Variants in PLXNA4 observed in about 807,000 individuals in gnomAD.
The protein encoded by PLXNA4 is plexin A4.
Under a neutral mutation model 191.8 loss-of-function variants are expected in PLXNA4, and 44 were observed. That is an observed-to-expected ratio of 0.23 (90% CI 0.18 to 0.29). The LOEUF is 0.29. PLXNA4 is among the 10% of genes least tolerant of loss of function. The pLI, the probability that PLXNA4 is intolerant of heterozygous loss-of-function variation, is 1.00. For missense variants in PLXNA4, 1,800 were observed against 2,488.8 expected (o/e 0.72, Z 5.89); for synonymous variants, 1,082 against 1,009.5 (o/e 1.07, Z -1.36).
intron 25 of PLXNA4, among the ~76,000 whole-genome samples, chr7:132,151,409 AAGGAGGAGGAGGAGGAGGAGG>A: frequency 3.3e-4 from 1 of 3,016 alleles, no homozygotes; most frequent in South Asian, 0.012. Flanking sequence ...GAGGAGGAGG[AAGGAGGAGGAGGAGGAGGAGG>A]AAGGAGGAGG....
intron 4 of PLXNA4, among the ~76,000 whole-genome samples, chr7:132,265,691 A>ATGTGTACACATGT (rs1799824394): frequency 6.6e-6 from 1 of 152,214 alleles, no homozygotes; most frequent in African/African-American, 2.4e-5. Context: ...AGACCCTAGC[A>ATGTGTACACATGT]GATACACATG....
intron 1 of PLXNA4, among the ~76,000 whole-genome samples, chr7:132,648,088 C>T (rs1392857803): frequency 6.6e-6 from 1 of 151,982 alleles, no homozygotes; most frequent in Non-Finnish European, 1.5e-5. Flanking sequence ...CTCACAAACT[C>T]AGTGTCATAT....
At chr7:132,627,700 G>A (rs1803408888) in intron 2 of PLXNA4, among the ~76,000 whole-genome samples, 1 of 152,146 alleles carries the variant, frequency 6.6e-6, no homozygotes, top group African/African-American at 2.4e-5. Flanking sequence ...TCCACCATGT[G>A]AAGGCACAGT....
At chr7:132,562,953 CT>C (rs1801331335) in intron 1 of PLXNA4, among the ~76,000 whole-genome samples, 1 of 48,884 alleles carries the variant, frequency 2.0e-5, no homozygotes, top group Non-Finnish European at 5.4e-5. Flanking sequence ...CCTCCTCCTC[CT>C]CTCCCTCCTC....
chr7:132,173,621 T>C (rs1562897328), intron 21 of PLXNA4, among the ~76,000 whole-genome samples: 1 of 152,258 alleles, frequency 6.6e-6, no homozygotes, highest in Non-Finnish European at 1.5e-5. Context: ...CCCTCTGGAC[T>C]TCTCACGTTT....
At chr7:132,348,105 T>C (rs1803322599) in intron 3 of PLXNA4, among the ~76,000 whole-genome samples, 1 of 152,186 alleles carries the variant, frequency 6.6e-6, no homozygotes, top group Non-Finnish European at 1.5e-5. Flanking sequence ...TCCTTCTCCC[T>C]ACCCGCCCAT....
In PLXNA4 at chr7:132,424,891, G is replaced by A. The variant is rs144055826; in HGVS notation, c.1371+64401C>T. ...TAGAGCCGAGTCCTGACCATGGTGT[G>A]CCCTCCACGCATCGTCCAGCTCACC... On this transcript the variant is annotated intron_variant, in intron 3 of 31. Coordinates refer to ENST00000321063, the MANE Select transcript of PLXNA4 (RefSeq NM_020911.2). Among the ~76,000 whole-genome samples, 523 of 152,332 alleles carry A rather than the reference G, an allele frequency of 3.4e-3. 1 individual carries two copies. Among genetic ancestry groups the A allele is most frequent in the African/African-American group, 0.012 (498 of 41,578 alleles).
At chr7:132,353,165 T>G (rs1803560257) in intron 3 of PLXNA4, among the ~76,000 whole-genome samples, 2 of 152,350 alleles carry the variant, frequency 1.3e-5, no homozygotes, top group Middle Eastern at 3.4e-3. Context: ...ACGTTTCTGC[T>G]ATTGCAATAA....
chr7:132,173,649 C>T (rs1796360669), intron 21 of PLXNA4, among the ~76,000 whole-genome samples: 1 of 152,224 alleles, frequency 6.6e-6, no homozygotes, highest in South Asian at 2.1e-4. Flanking sequence ...AGGTGCACAG[C>T]CTACTACATT....
At chr7:132,383,350 GA>G (rs1804977919) in intron 3 of PLXNA4, 1 of 173,770 alleles carries the variant, frequency 5.8e-6, no homozygotes, top group African/African-American at 2.4e-5. Context: ...CATTCCCTGG[GA>G]TTCTATTTTT....
intron 22 of PLXNA4, among the ~76,000 whole-genome samples, chr7:132,166,339 T>C (rs1305334874): frequency 1.5e-5 from 1 of 67,126 alleles, no homozygotes; most frequent in Non-Finnish European, 4.8e-5. Flanking sequence ...GCATCTTTCA[T>C]GCTACAACAC....
intron 1 of PLXNA4, among the ~76,000 whole-genome samples, chr7:132,562,301 TCTC>T (rs1280972634): frequency 1.3e-5 from 1 of 75,182 alleles, no homozygotes; most frequent in Admixed American, 1.3e-4. Flanking sequence ...TTCTCCTCCT[TCTC>T]CTCTTCCTCC....
At chr7:132,439,548 C>T (rs1795609869) in intron 3 of PLXNA4, among the ~76,000 whole-genome samples, 1 of 152,082 alleles carries the variant, frequency 6.6e-6, no homozygotes, top group African/African-American at 2.4e-5. Flanking sequence ...TGCATAGCTA[C>T]CCTTCCCAGT....
At chr7:132,142,219 A>G (rs1444778855) in intron 29 of PLXNA4, among the ~76,000 whole-genome samples, 2 of 152,172 alleles carry the variant, frequency 1.3e-5, no homozygotes, top group Non-Finnish European at 2.9e-5. Context: ...CCTGCAGGCT[A>G]TAATCCTACG....
chr7:132,349,711 C>T (rs184853538), intron 3 of PLXNA4, among the ~76,000 whole-genome samples: 1 of 152,206 alleles, frequency 6.6e-6, no homozygotes, highest in Non-Finnish European at 1.5e-5. Context: ...GGTCACTCTC[C>T]TCCCCATGAT....
chr7:132,602,857 G>C (rs1277816767), intron 2 of PLXNA4, among the ~76,000 whole-genome samples: 1 of 152,178 alleles, frequency 6.6e-6, no homozygotes, highest in Non-Finnish European at 1.5e-5. Flanking sequence ...CCGTGGAAGA[G>C]TCACTGAGAA....
At chr7:132,555,159 G>A (rs2116600153) in intron 1 of PLXNA4, among the ~76,000 whole-genome samples, 1 of 152,140 alleles carries the variant, frequency 6.6e-6, no homozygotes, top group Middle Eastern at 3.4e-3. Flanking sequence ...ACATGTGGAT[G>A]GCTGATCTGA....
chr7:132,242,778 G>A (rs1000894608), intron 4 of PLXNA4, among the ~76,000 whole-genome samples: 5 of 152,058 alleles, frequency 3.3e-5, no homozygotes, highest in African/African-American at 4.8e-5. Context: ...GCCGTGCCTG[G>A]AGTCTGCCTA....
At chr7:132,136,703 T>C (rs1368059310) in intron 30 of PLXNA4, among the ~76,000 whole-genome samples, 1 of 152,184 alleles carries the variant, frequency 6.6e-6, no homozygotes, top group East Asian at 1.9e-4. Flanking sequence ...CACATCTGCC[T>C]TTAGGTTAGC....
Sources: allele counts gnomAD v4.1 joint callset (sites outside exome capture counted in the v4.1 genomes callset), GRCh38; gene constraint gnomAD v4.1.1; transcripts MANE v1.5; gene names NCBI Gene and HGNC (gene_info 2026-07-23, HGNC 2026-07-21).